The following NLRP4 variants were observed in gnomAD, a reference collection of about 807,000 sequenced individuals.
The protein encoded by NLRP4 is NLR family pyrin domain containing 4, also known as NACHT, LRR and PYD domains-containing protein 4.
In NLRP4, 44 loss-of-function variants were observed where a neutral mutation model predicts 84.7. The ratio of observed to expected loss-of-function variants is 0.52; its 90% CI spans 0.41 to 0.67. NLRP4 has a LOEUF of 0.67. NLRP4 is among the 30% of genes least tolerant of loss of function. The pLI is 0.00. For missense variants in NLRP4, 1,260 were observed against 1,219.4 expected, an observed-to-expected ratio of 1.03 and a Z score of -0.50; for synonymous variants, 544 against 476.4, an observed-to-expected ratio of 1.14 and a Z score of -1.85.
intron 7 of NLRP4, among the ~76,000 whole-genome samples, chr19:55,872,201 C>T (rs1985212588): frequency 1.3e-5 from 2 of 152,078 alleles, no homozygotes; most frequent in South Asian, 4.2e-4. Flanking sequence ...TAAGGCTATC[C>T]AAAACTCCTT....
chr19:55,838,035 C>CCAAAAAAA (rs59078329), intron 1 of NLRP4, among the ~76,000 whole-genome samples: 25 of 132,664 alleles, frequency 1.9e-4, no homozygotes, highest in Non-Finnish European at 2.6e-4. Flanking sequence ...GACTCGGTCT[C>CCAAAAAAA]AAGCTGGATG....
At chr19:55,879,242 C>T (rs192642002) in intron 9 of NLRP4, among the ~76,000 whole-genome samples, 11 of 148,882 alleles carry the variant, frequency 7.4e-5, no homozygotes, top group South Asian at 4.2e-4. Flanking sequence ...GATCCAAGGA[C>T]GCAGAGATCC....
chr19:55,856,108 C>T (rs1984399749), intron 2 of NLRP4, among the ~76,000 whole-genome samples: 1 of 152,190 alleles, frequency 6.6e-6, no homozygotes, highest in Admixed American at 6.5e-5. Context: ...ATTCTTCTGC[C>T]CTGGCCTCCC....
chr19:55,861,569 A>T (rs1374504040), intron 4 of NLRP4, 22 bp downstream of exon 4: 4 of 1,608,972 alleles, frequency 2.5e-6, no homozygotes, highest in Non-Finnish European at 3.4e-6. Context: ...ATCGACTTCG[A>T]CTCGAGTATG....
rs753512446 is a variant in NLRP4, at chr19:55,881,630, A to AGGGACT, written c.*49_*54dup. On this transcript the variant is annotated 3_prime_UTR_variant, in exon 10 of 10. Transcript: ENST00000301295. ...TCTGACTCGAACACCTGCAAAGGAC[A>AGGGACT]GGGACTGGGACCGTTACTTACATGA... 1 of 925,454 alleles carries AGGGACT rather than the reference A, an allele frequency of 1.1e-6. No individual in the cohort carries two copies. The highest frequency in any genetic ancestry group is 1.8e-6 in the Non-Finnish European group (1 of 562,816). The allele number at this position is 925,454 out of a possible 1,614,324, so 57.3% of individuals were successfully genotyped here. A position where few individuals can be genotyped will look rare whatever the true frequency, so the allele number is the denominator to read the frequency against.
In NLRP4 at chr19:55,850,159, G is replaced by A. The variant is rs542006971; in HGVS notation, c.-65-1857G>A. Among the ~76,000 whole-genome samples the A allele has an allele frequency of 9.6e-5, 13 of 134,928 alleles. 1 individual carries two copies. The East Asian group carries it at 2.2e-3, about 23-fold the overall frequency. 88.5% of individuals were successfully genotyped at this position (134,928 alleles called of 152,430 possible). On this transcript the variant is annotated intron_variant, in intron 1 of 9. Coordinates refer to ENST00000301295, the MANE Select transcript of NLRP4 (RefSeq NM_134444.5). ...GCTGCGGTGTAATTTCCGAGGCTGC[G>A]GTGTAATTTCCGTGGCTGCGGTGTA...
In NLRP4 at chr19:55,852,322, G is replaced by A. The variant is rs984822265; in HGVS notation, c.242G>A (p.Arg81Lys). The change falls in exon 2 of 10, where the codon AGA becomes AAA. Residue 81 changes from arginine (R) to lysine (K), a missense_variant. Arg to Lys is a conservative substitution (Grantham distance 26, BLOSUM62 2). Coordinates refer to ENST00000301295, the MANE Select transcript of NLRP4 (RefSeq NM_134444.5). ...TTAAGAATCTTTCAAAAGATGGATA[G>A]AAAGGATCTCTGCATGAAGGTCATG... ...ITLRIFQKMDRKDLCMKVMRE... is the reference protein window; with the variant it reads ...ITLRIFQKMDKKDLCMKVMRE... 1.9e-6 allele frequency: 3 copies of A among 1,607,044 alleles called. No homozygotes were observed. The highest frequency in any genetic ancestry group is 2.7e-5 in the African/African-American group (2 of 74,512).
At chr19:55,852,543 C>G (rs1984209312) in intron 2 of NLRP4, among the ~76,000 whole-genome samples, 183 bp downstream of exon 2, 1 of 140,178 alleles carries the variant, frequency 7.1e-6, no homozygotes, top group Admixed American at 7.6e-5. Context: ...GTAGTGTGAT[C>G]TTGGCTCACC....
chr19:55,876,945 T>C (rs1238554657), intron 7 of NLRP4, 51 bp from the exon 8 acceptor site: 1 of 1,485,622 alleles, frequency 6.7e-7, no homozygotes, highest in Non-Finnish European at 9.2e-7. Context: ...TTTCCTGATA[T>C]TAGACTGAGG....
At chr19:55,861,593 C>T in intron 4 of NLRP4, 46 bp downstream of exon 4, 1 of 1,542,600 alleles carries the variant, frequency 6.5e-7, no homozygotes, top group Non-Finnish European at 8.9e-7. Flanking sequence ...CGGAGATGAC[C>T]TATTCATCTC....
chr19:55,872,743 C>T (rs898906655), intron 7 of NLRP4, among the ~76,000 whole-genome samples: 14 of 151,992 alleles, frequency 9.2e-5, no homozygotes, highest in East Asian at 1.9e-4. Context: ...CTGGGAATCG[C>T]GGAAAGAGAA....
chr19:55,868,081 A>G (rs1568670803), intron 6 of NLRP4, among the ~76,000 whole-genome samples: 1 of 152,262 alleles, frequency 6.6e-6, no homozygotes, highest in Non-Finnish European at 1.5e-5. Flanking sequence ...ACTTAGAAGC[A>G]GAGGAAAATC....
At chr19:55,843,781 G>A (rs1162768070) in intron 1 of NLRP4, among the ~76,000 whole-genome samples, 2 of 151,808 alleles carry the variant, frequency 1.3e-5, no homozygotes, top group African/African-American at 4.8e-5. Context: ...TTTTTTCATG[G>A]CAAAAACCAC....
At chr19:55,853,883 A>C (rs945283484) in intron 2 of NLRP4, among the ~76,000 whole-genome samples, 395 of 81,210 alleles carry the variant, frequency 4.9e-3, no homozygotes, top group Middle Eastern at 0.018. Flanking sequence ...CTCTCTTGCT[A>C]TCTCTTTCTC....
At chr19:55,865,797 G>T (rs959932753) in intron 5 of NLRP4, among the ~76,000 whole-genome samples, 1 of 152,020 alleles carries the variant, frequency 6.6e-6, no homozygotes, top group Non-Finnish European at 1.5e-5. Context: ...CAAGTTGTAA[G>T]TGTTCTTTAT....
chr19:55,866,137 G>A (rs932847314), intron 5 of NLRP4, among the ~76,000 whole-genome samples: 2 of 152,202 alleles, frequency 1.3e-5, no homozygotes, highest in African/African-American at 2.4e-5. Flanking sequence ...GGGTTCAAGT[G>A]ATTCTTCTGC....
intron 6 of NLRP4, 62 bp downstream of exon 6, chr19:55,867,938 A>G (rs1985026143): frequency 2.1e-6 from 3 of 1,442,040 alleles, no homozygotes; most frequent in Admixed American, 3.7e-5. Context: ...ACCTGGGCCT[A>G]TTGATGACAG....
intron 5 of NLRP4, among the ~76,000 whole-genome samples, chr19:55,865,956 A>G (rs770629157): frequency 1.3e-5 from 2 of 152,122 alleles, no homozygotes; most frequent in Non-Finnish European, 2.9e-5. Flanking sequence ...CTTTTGTCTC[A>G]TGTGCTTTTG....
Position 55,858,625 on chromosome 19 carries a change from C to A in NLRP4, c.1232C>A (p.Thr411Lys), listed in dbSNP as rs543755051. 3.7e-6 allele frequency: 6 copies of A among 1,614,184 alleles called. No homozygotes were observed. The highest frequency in any genetic ancestry group is 1.7e-5 in the Admixed American group (1 of 60,022). The change falls in exon 3 of 10, where the codon ACA becomes AAA. Residue 411 changes from threonine (T) to lysine (K), a missense_variant. This residue lies in a region of NLRP4 where 712 missense variants were observed against 669.2 expected (regional missense o/e 1.06). Coordinates refer to ENST00000301295, the MANE Select transcript of NLRP4 (RefSeq NM_134444.5). This position sits in a 1 kb window ranked among gnomAD's most constrained non-coding sequence, Gnocchi z 4.2. The stretch of plus-strand genomic sequence containing the variant: ...GCTGCAGAGGGTATGTGGACAGACA[C>A]ATTTGAGTTTTGTGAAGACGACCTC... ...SLAAEGMWTDTFEFCEDDLRR... is the reference protein window; with the variant it reads ...SLAAEGMWTDKFEFCEDDLRR...
Sources: gnomAD v4.1 joint callset for allele counts (sites outside exome capture counted in the v4.1 genomes callset) on GRCh38, gnomAD v4.1.1 for gene constraint, gnomAD v4.1.1 regional missense constraint, Gnocchi (gnomAD v3.1) non-coding constraint, MANE v1.5 for transcripts, NCBI Gene and HGNC (gene_info 2026-07-23, HGNC 2026-07-21) for gene names.